MEIS2: variants seen among roughly 807,000 people sequenced by gnomAD.
The protein encoded by MEIS2 is homeobox protein Meis2.
In MEIS2, 9 loss-of-function variants were observed where a neutral mutation model predicts 58.6. That is an observed-to-expected ratio of 0.15 (90% CI 0.09 to 0.27). The LOEUF is 0.27. Ranked by LOEUF, MEIS2 falls within the 10% of genes least tolerant of loss-of-function variation. The probability of loss-of-function intolerance (pLI) is 1.00; values close to 1 mark genes in which losing one functional copy is unlikely to be tolerated. For missense variants in MEIS2, 427 were observed against 635.0 expected, an observed-to-expected ratio of 0.67 and a Z score of 3.52; for synonymous variants, 221 against 228.4, an observed-to-expected ratio of 0.97 and a Z score of 0.29.
At chr15:36,935,649 G>C (rs12708547) in intron 9 of MEIS2, among the ~76,000 whole-genome samples, 43,206 of 151,932 alleles carry the variant, frequency 0.28, 6,335 homozygotes, top group Non-Finnish European at 0.34. Flanking sequence ...TTCTTTCTGA[G>C]ATAATTTAAC....
chr15:36,892,237 G>A lies in MEIS2; in HGVS notation c.1370C>T (p.Pro457Leu). ...HPGMTMSAQSPTMLNSVDPNV... is the reference protein window; with the variant it reads ...HPGMTMSAQSLTMLNSVDPNV... The stretch of plus-strand genomic sequence containing the variant: ...GGGATCTACAGAATTTAACATTGTG[G>A]GGCTCTGTGCTGACATAGTCATTCC... Residue 457 changes from proline (P) to leucine (L), a missense_variant, in exon 12 of 12, where the codon CCC becomes CTC. Physicochemically the swap from Pro to Leu is moderately conservative, Grantham distance 98. Coordinates refer to ENST00000561208, the MANE Select transcript of MEIS2 (RefSeq NM_170675.5). 6.2e-7 allele frequency: 1 copy of A among 1,614,122 alleles called. No individual in the cohort carries two copies. The highest frequency in any genetic ancestry group is 8.5e-7 in the Non-Finnish European group (1 of 1,180,016).
chr15:36,905,265 G>A (rs773959085), intron 9 of MEIS2, among the ~76,000 whole-genome samples: 38 of 152,196 alleles, frequency 2.5e-4, no homozygotes, highest in Non-Finnish European at 4.6e-4. Flanking sequence ...ATTTTGTCGG[G>A]GGGTGGGGAG....
chr15:36,943,748 C>A (rs1004151736), intron 9 of MEIS2, among the ~76,000 whole-genome samples: 1 of 152,032 alleles, frequency 6.6e-6, no homozygotes, highest in Non-Finnish European at 1.5e-5. Flanking sequence ...AACCATATTT[C>A]ATTCTTTCTT....
intron 6 of MEIS2, among the ~76,000 whole-genome samples, chr15:37,084,213 T>C (rs1892598583): frequency 6.6e-6 from 1 of 152,262 alleles, no homozygotes; most frequent in East Asian, 1.9e-4. Flanking sequence ...AAAAAAATTA[T>C]GAAAAATGTA....
intron 7 of MEIS2, among the ~76,000 whole-genome samples, chr15:37,043,323 T>G (rs1310875679): frequency 6.6e-6 from 1 of 152,192 alleles, no homozygotes; most frequent in African/African-American, 2.4e-5. Context: ...TTTACCATAT[T>G]CATTAACATT....
At chr15:37,095,482 C>G in intron 4 of MEIS2, 82 bp downstream of exon 4, 13 of 1,603,484 alleles carry the variant, frequency 8.1e-6, no homozygotes, top group Non-Finnish European at 1.1e-5. Flanking sequence ...TTCTAACTCC[C>G]CAGAGCTCCA....
intron 8 of MEIS2, among the ~76,000 whole-genome samples, chr15:37,010,382 C>T (rs897462715): frequency 2.4e-4 from 36 of 150,834 alleles, no homozygotes; most frequent in East Asian, 5.9e-4. Flanking sequence ...CCACCACGCC[C>T]GGCCTATTTC....
intron 8 of MEIS2, among the ~76,000 whole-genome samples, chr15:36,986,427 G>T (rs1262946069): frequency 6.6e-6 from 1 of 152,224 alleles, no homozygotes; most frequent in Non-Finnish European, 1.5e-5. Flanking sequence ...GAGGGAAAAA[G>T]AACTTGCTCC....
Position 37,036,807 on chromosome 15 carries a change from G to C in MEIS2, c.900+7C>G. ...CTATTTTTTTTTTCTCTTTCATCTT[G>C]ACTTACTGTGAGATGCTGGAAGAGC... On this transcript the variant is annotated splice_region_variant and intron_variant, in intron 8 of 11. Coordinates refer to ENST00000561208, the MANE Select transcript of MEIS2 (RefSeq NM_170675.5). 6.2e-7 allele frequency: 1 copy of C among 1,605,510 alleles called. No homozygotes were observed. Among genetic ancestry groups the C allele is most frequent in the Non-Finnish European group, 8.5e-7 (1 of 1,177,224 alleles).
intron 9 of MEIS2, among the ~76,000 whole-genome samples, chr15:36,932,261 A>G (rs1163206072): frequency 6.6e-6 from 1 of 152,210 alleles, no homozygotes; most frequent in East Asian, 1.9e-4. Context: ...GCCGAGTTGC[A>G]TGACTCTGAA....
At chr15:36,932,211 G>A (rs72708690) in intron 9 of MEIS2, among the ~76,000 whole-genome samples, 14,783 of 152,124 alleles carry the variant, frequency 0.097, 972 homozygotes, top group Non-Finnish European at 0.13. Context: ...CTGTTGGGTG[G>A]TGCCATTCAA....
At chr15:37,049,287 T>C (rs1045565120) in intron 7 of MEIS2, among the ~76,000 whole-genome samples, 1 of 152,048 alleles carries the variant, frequency 6.6e-6, no homozygotes, top group Non-Finnish European at 1.5e-5. Flanking sequence ...ATAAAGTACA[T>C]GGAAAATGGA....
At chr15:37,007,122 C>T (rs2060949715) in intron 8 of MEIS2, among the ~76,000 whole-genome samples, 1 of 152,194 alleles carries the variant, frequency 6.6e-6, no homozygotes, top group African/African-American at 2.4e-5. Context: ...ATCCTTCCAA[C>T]TTTAAGGATG....
chr15:37,043,835 G>A (rs553689814), intron 7 of MEIS2, among the ~76,000 whole-genome samples: 20 of 151,874 alleles, frequency 1.3e-4, no homozygotes, highest in African/African-American at 2.2e-4. Flanking sequence ...TTACAGGCGC[G>A]TGCCACCACG....
At chr15:36,957,133 A>C (rs2059009959) in intron 8 of MEIS2, among the ~76,000 whole-genome samples, 1 of 152,192 alleles carries the variant, frequency 6.6e-6, no homozygotes. Context: ...TGTACATGAA[A>C]GTGTGAACAT....
intron 7 of MEIS2, among the ~76,000 whole-genome samples, chr15:37,072,511 T>C (rs1567258646): frequency 6.6e-6 from 1 of 152,130 alleles, no homozygotes; most frequent in Non-Finnish European, 1.5e-5. Flanking sequence ...TTTTTCACCA[T>C]GCATTCTCTC....
At chr15:36,963,863 C>T (rs2059272111) in intron 8 of MEIS2, among the ~76,000 whole-genome samples, 1 of 152,144 alleles carries the variant, frequency 6.6e-6, no homozygotes, top group African/African-American at 2.4e-5. Flanking sequence ...AACACATTGT[C>T]TGTTTTCATT....
chr15:36,909,672 G>A (rs765056774), intron 9 of MEIS2, among the ~76,000 whole-genome samples: 3 of 152,180 alleles, frequency 2.0e-5, no homozygotes, highest in Non-Finnish European at 2.9e-5. Context: ...GGGCATTAGA[G>A]AGGCCAGGTA....
At position 37,100,081 on chromosome 15, in the gene MEIS2, C is replaced by T. The variant is rs1403909772; in HGVS notation, c.-615G>A. The T allele has an allele frequency of 6.6e-6, 1 of 150,424 alleles. No individual in the cohort carries two copies. Among genetic ancestry groups the T allele is most frequent in the Admixed American group, 6.6e-5 (1 of 15,074 alleles). 9.3% of individuals were successfully genotyped at this position (150,424 alleles called of 1,614,324 possible). A position where few individuals can be genotyped will look rare whatever the true frequency, so the allele number is the denominator to read the frequency against. ...CTGCTTCTTGAATTTTTTCCTCCCC[C>T]CTCCCCCCTTTTTTAGCTTTGCCCC... On this transcript the variant is annotated 5_prime_UTR_variant, in exon 1 of 12. Transcript: ENST00000561208.
Sources: allele counts gnomAD v4.1 joint callset (sites outside exome capture counted in the v4.1 genomes callset), GRCh38; gene constraint gnomAD v4.1.1; transcripts MANE v1.5; gene names NCBI Gene and HGNC (gene_info 2026-07-23, HGNC 2026-07-21).